Variants in EBF2 observed in about 807,000 individuals in gnomAD.
The protein encoded by EBF2 is EBF transcription factor 2, also known as transcription factor COE2.
A neutral mutation model predicts 72.8 loss-of-function variants in EBF2; 21 were observed. The ratio of observed to expected loss-of-function variants is 0.29; its 90% CI spans 0.20 to 0.42. The LOEUF (loss-of-function observed/expected upper bound fraction) is 0.42, where lower values mean the gene tolerates loss of function less well. Among genes scored for constraint, EBF2 ranks in the 10% least tolerant of loss-of-function variants. The probability of loss-of-function intolerance (pLI) is 1.00; values close to 1 mark genes in which losing one functional copy is unlikely to be tolerated. For missense variants in EBF2, 637 were observed against 731.2 expected, an observed-to-expected ratio of 0.87 and a Z score of 1.49; for synonymous variants, 299 against 274.2, an observed-to-expected ratio of 1.09 and a Z score of -0.89.
intron 6 of EBF2, among the ~76,000 whole-genome samples, chr8:25,968,173 C>T (rs2117185876): frequency 6.6e-6 from 1 of 151,956 alleles, no homozygotes; most frequent in African/African-American, 2.4e-5. Flanking sequence ...CGAGCAATTC[C>T]ATTTGTGGAT....
intron 6 of EBF2, among the ~76,000 whole-genome samples, chr8:25,914,478 C>T (rs1803178735): frequency 6.6e-6 from 1 of 152,176 alleles, no homozygotes; most frequent in African/African-American, 2.4e-5. Context: ...ACAAAGGGCC[C>T]TGAAGCTTTT....
chr8:25,862,557 C>A, intron 11 of EBF2, 152 bp downstream of exon 11: 1 of 432,856 alleles, frequency 2.3e-6, no homozygotes, highest in South Asian at 3.9e-5. Flanking sequence ...TAATATATTT[C>A]ATAGCAGATA....
intron 6 of EBF2, among the ~76,000 whole-genome samples, chr8:25,943,254 G>T (rs1400947119): frequency 7.0e-6 from 1 of 143,842 alleles, no homozygotes; most frequent in Non-Finnish European, 1.5e-5. Flanking sequence ...ATTGCTTGAG[G>T]CCAAGAGTTG....
intron 7 of EBF2, among the ~76,000 whole-genome samples, chr8:25,895,923 A>ATGTGTGTGTG (rs71868613): frequency 6.7e-6 from 1 of 149,608 alleles, no homozygotes; most frequent in Non-Finnish European, 1.5e-5. Flanking sequence ...CCGTGTGTGT[A>ATGTGTGTGTG]TGTGTGTGTG....
chr8:25,955,303 A>C (rs953840357), intron 6 of EBF2, among the ~76,000 whole-genome samples: 70 of 152,342 alleles, frequency 4.6e-4, no homozygotes, highest in Non-Finnish European at 8.5e-4. Flanking sequence ...AAGGGCCTAG[A>C]GGCAAGAAAC....
chr8:25,908,448 C>T, intron 7 of EBF2, 26 bp downstream of exon 7: 1 of 1,539,560 alleles, frequency 6.5e-7, no homozygotes, highest in Non-Finnish European at 8.9e-7. Context: ...ACTTATTTAA[C>T]AGGAAAGATC....
chr8:26,013,461 G>A (rs1489881761), intron 6 of EBF2, among the ~76,000 whole-genome samples: 1 of 152,126 alleles, frequency 6.6e-6, no homozygotes, highest in Non-Finnish European at 1.5e-5. Flanking sequence ...AGGCAGTGTG[G>A]AAGCACTTCT....
chr8:25,876,671 C>T (rs995375644), intron 10 of EBF2, among the ~76,000 whole-genome samples: 2 of 152,102 alleles, frequency 1.3e-5, no homozygotes, highest in Non-Finnish European at 2.9e-5. Flanking sequence ...GCCTTGGTAT[C>T]GTGTTTTGTA....
intron 1 of EBF2, among the ~76,000 whole-genome samples, chr8:26,043,165 C>T (rs1006139622): frequency 6.6e-6 from 1 of 152,228 alleles, no homozygotes; most frequent in African/African-American, 2.4e-5. Context: ...CACACGCTTC[C>T]CAGCCAACCG....
chr8:25,995,725 C>T (rs1804614610), intron 6 of EBF2, among the ~76,000 whole-genome samples: 1 of 151,312 alleles, frequency 6.6e-6, no homozygotes, highest in African/African-American at 2.4e-5. Flanking sequence ...AAACATAAAC[C>T]AAAATTAAGC....
intron 15 of EBF2, among the ~76,000 whole-genome samples, chr8:25,844,874 C>T (rs1027767387): frequency 2.0e-5 from 3 of 152,136 alleles, no homozygotes; most frequent in African/African-American, 7.2e-5. Context: ...TGAAGTTTTG[C>T]CTGGGAGGCC....
rs571703406 is a variant in EBF2, at chr8:26,044,623, G to A, written c.131+106C>T. On this transcript the variant is annotated intron_variant, in intron 1 of 15. Coordinates refer to ENST00000520164, the MANE Select transcript of EBF2 (RefSeq NM_022659.4). This position sits in a 1 kb window ranked among gnomAD's most constrained non-coding sequence, Gnocchi z 4.1. ...CGCGCAGGGCCTGGGCGACAGATGGGGGGACAGGGAGAGAGAAAGGCACGG... is the reference window on the plus strand; with the variant it reads ...CGCGCAGGGCCTGGGCGACAGATGGAGGGACAGGGAGAGAGAAAGGCACGG... 8.1e-5 allele frequency: 121 copies of A among 1,486,872 alleles called. No homozygotes were observed. In the Admixed American group the frequency reaches 2.3e-3, roughly 29 times the overall value. The allele number at this position is 1,486,872 out of a possible 1,614,324, so 92.1% of individuals were successfully genotyped here.
chr8:25,952,090 C>G (rs969531598), intron 6 of EBF2, among the ~76,000 whole-genome samples: 3 of 152,076 alleles, frequency 2.0e-5, no homozygotes, highest in Non-Finnish European at 4.4e-5. Flanking sequence ...GCCAGGAGTT[C>G]CAGGCCAGCC....
intron 1 of EBF2, among the ~76,000 whole-genome samples, chr8:26,042,586 A>G (rs940417918): frequency 6.6e-6 from 1 of 152,046 alleles, no homozygotes; most frequent in African/African-American, 2.4e-5. Context: ...TCCCCTAAGG[A>G]GGTGGCCCGC....
intron 6 of EBF2, among the ~76,000 whole-genome samples, chr8:25,973,706 A>G (rs143015205): frequency 2.6e-5 from 4 of 152,172 alleles, no homozygotes; most frequent in African/African-American, 9.6e-5. Flanking sequence ...AGACAGGGTC[A>G]CACTCTGTTG....
chr8:26,023,754 TC>T (rs1481287069), intron 6 of EBF2, among the ~76,000 whole-genome samples: 4 of 152,102 alleles, frequency 2.6e-5, no homozygotes, highest in Admixed American at 6.5e-5. Context: ...AGCGGCAACA[TC>T]AACAAAAGCT....
intron 6 of EBF2, among the ~76,000 whole-genome samples, chr8:25,952,640 C>T (rs1212912798): frequency 6.6e-6 from 1 of 152,118 alleles, no homozygotes; most frequent in East Asian, 1.9e-4. Flanking sequence ...CTAATCTCCC[C>T]CCTACACTTC....
At chr8:25,985,625 A>T (rs1321086940) in intron 6 of EBF2, among the ~76,000 whole-genome samples, 1 of 152,208 alleles carries the variant, frequency 6.6e-6, no homozygotes, top group Non-Finnish European at 1.5e-5. Flanking sequence ...AATCCCTGAC[A>T]TTCACTGAAA....
intron 6 of EBF2, among the ~76,000 whole-genome samples, chr8:25,978,421 A>C (rs1804302651): frequency 6.6e-6 from 1 of 152,154 alleles, no homozygotes; most frequent in African/African-American, 2.4e-5. Context: ...TTAGCTGCGG[A>C]TCTCCAAGTT....
Sources: allele counts gnomAD v4.1 joint callset (sites outside exome capture counted in the v4.1 genomes callset), GRCh38; gene constraint gnomAD v4.1.1; non-coding constraint Gnocchi (gnomAD v3.1); transcripts MANE v1.5; gene names NCBI Gene and HGNC (gene_info 2026-07-23, HGNC 2026-07-21).